Variants in RAD18 observed in about 807,000 individuals in gnomAD.
The protein encoded by RAD18 is RAD18 E3 ubiquitin protein ligase.
A neutral mutation model predicts 60.4 loss-of-function variants in RAD18; 47 were observed. The observed-to-expected ratio is 0.78, with a 90% CI of 0.62 to 0.99. The LOEUF (loss-of-function observed/expected upper bound fraction) is 0.99. RAD18 is among the 50% of genes least tolerant of loss of function. RAD18 has a pLI of 0.00. For missense variants in RAD18, 640 were observed against 593.3 expected (o/e 1.08, Z -0.82); for synonymous variants, 225 against 195.5 (o/e 1.15, Z -1.26).
intron 6 of RAD18, among the ~76,000 whole-genome samples, chr3:8,936,751 C>T (rs943635275): frequency 2.6e-5 from 4 of 152,174 alleles, no homozygotes; most frequent in African/African-American, 7.2e-5. Flanking sequence ...CTGTCCCAAA[C>T]GTTAGTGTAC....
chr3:8,933,452 T>C (rs1940594302), intron 7 of RAD18, among the ~76,000 whole-genome samples: 1 of 152,174 alleles, frequency 6.6e-6, no homozygotes, highest in Non-Finnish European at 1.5e-5. Context: ...TCAAAGGATG[T>C]ATTACATGTG....
chr3:8,919,485 G>A (rs185642943), intron 7 of RAD18, among the ~76,000 whole-genome samples: 2 of 152,146 alleles, frequency 1.3e-5, no homozygotes. Context: ...TAATGCTCTG[G>A]AGACAAAACA....
At chr3:8,947,450 T>A (rs1574825477) in intron 3 of RAD18, among the ~76,000 whole-genome samples, 160 bp from the exon 4 acceptor site, 1 of 152,234 alleles carries the variant, frequency 6.6e-6, no homozygotes, top group South Asian at 2.1e-4. Context: ...CATGCTAATA[T>A]GAAATTTTAA....
chr3:8,955,303 G>A (rs751183307), intron 2 of RAD18, among the ~76,000 whole-genome samples: 2 of 152,148 alleles, frequency 1.3e-5, no homozygotes, highest in Non-Finnish European at 2.9e-5. Context: ...AGGGAAACAC[G>A]GTCCAATGTT....
chr3:8,904,517 A>G (rs9861055), intron 9 of RAD18, among the ~76,000 whole-genome samples: 2,290 of 152,334 alleles, frequency 0.015, 65 homozygotes, highest in African/African-American at 0.053. Context: ...TAAAAGACCA[A>G]TTAAAGTGTC....
intron 1 of RAD18, among the ~76,000 whole-genome samples, chr3:8,962,005 T>A (rs1486386739): frequency 1.3e-5 from 2 of 152,212 alleles, no homozygotes; most frequent in African/African-American, 4.8e-5. Flanking sequence ...TAATAAAATA[T>A]ATTCATTGAA....
At chr3:8,961,279 G>A (rs1022805032) in intron 1 of RAD18, among the ~76,000 whole-genome samples, 3 of 152,168 alleles carry the variant, frequency 2.0e-5, no homozygotes, top group Non-Finnish European at 2.9e-5. Flanking sequence ...CCTGAATAGA[G>A]AGTGGTCAGC....
intron 2 of RAD18, among the ~76,000 whole-genome samples, chr3:8,950,520 G>A (rs1940910895): frequency 6.6e-6 from 1 of 152,130 alleles, no homozygotes; most frequent in African/African-American, 2.4e-5. Context: ...CACAGTCCAG[G>A]GGCAAAGTTC....
intron 1 of RAD18, among the ~76,000 whole-genome samples, chr3:8,960,757 C>T (rs1941083649): frequency 1.3e-5 from 2 of 152,062 alleles, no homozygotes; most frequent in Non-Finnish European, 1.5e-5. Flanking sequence ...CCACAGTGAT[C>T]CCAAATTTTA....
chr3:8,950,531 G>T (rs144709797), intron 2 of RAD18, among the ~76,000 whole-genome samples: 11 of 152,124 alleles, frequency 7.2e-5, no homozygotes, highest in Non-Finnish European at 1.2e-4. Flanking sequence ...GGCAAAGTTC[G>T]CTAAAAGACC....
At chr3:8,957,979 T>C (rs1941038718) in intron 2 of RAD18, among the ~76,000 whole-genome samples, 1 of 152,250 alleles carries the variant, frequency 6.6e-6, no homozygotes, top group Non-Finnish European at 1.5e-5. Context: ...AAACTTATCT[T>C]GGTTTTTAAT....
chr3:8,921,596 C>T (rs1211598138), intron 7 of RAD18, among the ~76,000 whole-genome samples: 8 of 151,808 alleles, frequency 5.3e-5, no homozygotes, highest in Non-Finnish European at 8.8e-5. Flanking sequence ...ACTATCATTG[C>T]GCCACTGCAC....
chr3:8,943,373 T>C (rs182293047), intron 4 of RAD18, among the ~76,000 whole-genome samples: 49 of 151,460 alleles, frequency 3.2e-4, no homozygotes, highest in Admixed American at 2.8e-3. Context: ...TAGTGTATTA[T>C]GAGAAATAAA....
At chr3:8,882,392 C>A (rs1348981598) in intron 12 of RAD18, among the ~76,000 whole-genome samples, 1 of 152,158 alleles carries the variant, frequency 6.6e-6, no homozygotes, top group African/African-American at 2.4e-5. Flanking sequence ...GGCAGTAAAT[C>A]ATCTCCAGCT....
chr3:8,956,830 T>A (rs1941022664), intron 2 of RAD18, among the ~76,000 whole-genome samples: 1 of 148,058 alleles, frequency 6.8e-6, no homozygotes, highest in African/African-American at 2.6e-5. Flanking sequence ...ATTAAGAATA[T>A]AAAAAAAACT....
In RAD18 at chr3:8,941,472, G is replaced by T; in HGVS notation, c.599C>A (p.Thr200Asn). 6.3e-7 allele frequency: 1 copy of T among 1,594,888 alleles called. No homozygotes were observed. Among genetic ancestry groups the T allele is most frequent in the East Asian group, 2.2e-5 (1 of 44,626 alleles). ...PPSTSTLKQVTKVDCPVCGVN... is the reference protein window; with the variant it reads ...PPSTSTLKQVNKVDCPVCGVN... ...ATATGAAAATAACTTCCTACCTTTA[G>T]TAACTTGTTTCAAAGTGGATGTCGA... The change falls in exon 5 of 13, where the codon ACT becomes AAT. Residue 200 changes from threonine (T) to asparagine (N), a missense_variant. Physicochemically the swap from Thr to Asn is moderately conservative, Grantham distance 65. Transcript: ENST00000264926.
intron 9 of RAD18, among the ~76,000 whole-genome samples, chr3:8,908,501 C>T (rs1480620848): frequency 6.6e-6 from 1 of 152,008 alleles, no homozygotes; most frequent in South Asian, 2.1e-4. Context: ...AGAAGAGAGA[C>T]CTAGAACAGA....
At chr3:8,916,039 C>G (rs972739450) in intron 7 of RAD18, among the ~76,000 whole-genome samples, 1 of 152,160 alleles carries the variant, frequency 6.6e-6, no homozygotes, top group Non-Finnish European at 1.5e-5. Context: ...ACATGAAGCC[C>G]CAATCACATC....
At chr3:8,960,143 T>C (rs542557916) in intron 1 of RAD18, among the ~76,000 whole-genome samples, 81 of 152,142 alleles carry the variant, frequency 5.3e-4, no homozygotes, top group African/African-American at 1.8e-3. Flanking sequence ...TCCATGTCTA[T>C]AAAAAATTTA....
Sources: allele counts gnomAD v4.1 joint callset (sites outside exome capture counted in the v4.1 genomes callset), GRCh38; gene constraint gnomAD v4.1.1; transcripts MANE v1.5; gene names NCBI Gene and HGNC (gene_info 2026-07-23, HGNC 2026-07-21).